The following MRPL13 variants were observed in gnomAD, a reference collection of about 807,000 sequenced individuals.
The protein encoded by MRPL13 is large ribosomal subunit protein uL13m.
A neutral mutation model predicts 29.0 loss-of-function variants in MRPL13; 33 were observed. That is an observed-to-expected ratio of 1.14 (90% CI 0.86 to 1.52). The LOEUF is 1.52. MRPL13 is among the 40% of genes most tolerant of loss of function. The pLI, the probability that MRPL13 is intolerant of heterozygous loss-of-function variation, is 0.00. For missense variants in MRPL13, 227 were observed against 216.7 expected (o/e 1.05, Z -0.30); for synonymous variants, 77 against 68.4 (o/e 1.13, Z -0.62).
intron 2 of MRPL13, among the ~76,000 whole-genome samples, chr8:120,435,731 T>C (rs1339754604): frequency 6.6e-6 from 1 of 152,044 alleles, no homozygotes; most frequent in Non-Finnish European, 1.5e-5. Context: ...TGAACTAATT[T>C]GCACTCCCAC....
chr8:120,428,960 A>T (rs1216252881), intron 3 of MRPL13, among the ~76,000 whole-genome samples: 1 of 152,216 alleles, frequency 6.6e-6, no homozygotes, highest in African/African-American at 2.4e-5. Context: ...TCCTACAGAC[A>T]GAAATACCAT....
At position 120,395,831 on chromosome 8, in the gene MRPL13, A is replaced by G. The variant is rs544807735; in HGVS notation, c.*273T>C. On this transcript the variant is annotated 3_prime_UTR_variant, in exon 7 of 7. Coordinates refer to ENST00000306185, the MANE Select transcript of MRPL13 (RefSeq NM_014078.6). The stretch of plus-strand genomic sequence containing the variant: ...CACAGGGTCTGTTTTTTATCATTAA[A>G]TGCAACACTAAATAGTCAACCAAGT... 8 of 305,510 alleles carry G rather than the reference A, an allele frequency of 2.6e-5. No homozygotes were observed. Among genetic ancestry groups the G allele is most frequent in the African/African-American group, 1.5e-4 (7 of 45,860 alleles). The allele number at this position is 305,510 out of a possible 1,614,324, so 18.9% of individuals were successfully genotyped here.
rs778875576 is a variant in MRPL13, at chr8:120,425,304, A to C, written c.306+2T>G. ...GATTAATAAAAAATACAAGAAACTT[A>C]CTGCCACTGGATCCCTCAGGTGAAG... is the stretch of plus-strand genomic sequence containing the variant. On this transcript the variant is annotated splice_donor_variant, in intron 4 of 6. Coordinates refer to ENST00000306185, the MANE Select transcript of MRPL13 (RefSeq NM_014078.6). LOFTEE classifies it high-confidence loss of function. The C allele has an allele frequency of 5.0e-6, 8 of 1,609,776 alleles. No individual in the cohort carries two copies. The highest frequency in any genetic ancestry group is 6.8e-6 in the Non-Finnish European group (8 of 1,176,630).
intron 5 of MRPL13, among the ~76,000 whole-genome samples, chr8:120,418,377 G>C (rs1812829774): frequency 6.6e-6 from 1 of 152,010 alleles, no homozygotes; most frequent in Non-Finnish European, 1.5e-5. Context: ...TTATAAATGA[G>C]ATTGCTGGAT....
chr8:120,415,097 T>C (rs958938311), intron 5 of MRPL13: 5 of 152,164 alleles, frequency 3.3e-5, no homozygotes, highest in African/African-American at 4.8e-5. Context: ...AATGATAAAA[T>C]GAAGAGTGTG....
At chr8:120,429,539 C>T (rs1046073859) in intron 3 of MRPL13, among the ~76,000 whole-genome samples, 4 of 150,462 alleles carry the variant, frequency 2.7e-5, no homozygotes, top group Non-Finnish European at 4.4e-5. Context: ...AGATGTTTAT[C>T]AGCCCCTTAT....
At chr8:120,412,637 T>C (rs1357386148) in intron 6 of MRPL13, among the ~76,000 whole-genome samples, 5 of 152,238 alleles carry the variant, frequency 3.3e-5, no homozygotes, top group Non-Finnish European at 7.3e-5. Flanking sequence ...AATTAATTTT[T>C]AGGGAAAGAG....
intron 6 of MRPL13, among the ~76,000 whole-genome samples, chr8:120,403,192 C>T (rs562177595): frequency 1.7e-4 from 26 of 152,200 alleles, no homozygotes; most frequent in African/African-American, 4.8e-4. Flanking sequence ...TAAAGACAAA[C>T]GCATGTGTAT....
At chr8:120,404,910 C>G (rs753161512) in intron 6 of MRPL13, among the ~76,000 whole-genome samples, 9 of 152,210 alleles carry the variant, frequency 5.9e-5, no homozygotes, top group East Asian at 3.9e-4. Context: ...AGGCAGGGCC[C>G]TGATATGATT....
rs746654760 is a variant in MRPL13, at chr8:120,413,990, C to T, written c.515+1G>A. On this transcript the variant is annotated splice_donor_variant, in intron 6 of 6. Coordinates refer to ENST00000306185, the MANE Select transcript of MRPL13 (RefSeq NM_014078.6). LOFTEE classifies it high-confidence loss of function. ...AAAACAAGAAGAAGGGAAACACTTACGGAGTCCACAATCTTGGGAAGGCGT... is the reference window on the plus strand; with the variant it reads ...AAAACAAGAAGAAGGGAAACACTTATGGAGTCCACAATCTTGGGAAGGCGT... 15 of 1,544,080 alleles carry T rather than the reference C, an allele frequency of 9.7e-6. No individual in the cohort carries two copies. The highest frequency in any genetic ancestry group is 5.7e-5 in the African/African-American group (4 of 70,792).
intron 6 of MRPL13, among the ~76,000 whole-genome samples, chr8:120,404,619 T>C (rs1812643822): frequency 6.6e-6 from 1 of 152,244 alleles, no homozygotes; most frequent in African/African-American, 2.4e-5. Flanking sequence ...ATACTGGCTC[T>C]TCCTTGTAAA....
intron 3 of MRPL13, among the ~76,000 whole-genome samples, chr8:120,427,498 T>G (rs546502460): frequency 6.6e-6 from 1 of 152,146 alleles, no homozygotes; most frequent in South Asian, 2.1e-4. Context: ...CAAAAATCAC[T>G]AGCAAAAAGT....
intron 2 of MRPL13, among the ~76,000 whole-genome samples, chr8:120,434,825 T>C (rs1029502109): frequency 1.3e-5 from 2 of 152,208 alleles, no homozygotes; most frequent in South Asian, 2.1e-4. Context: ...GCTATTTAGG[T>C]TGGTGCAAAA....
intron 6 of MRPL13, among the ~76,000 whole-genome samples, chr8:120,413,627 T>C (rs1245776981): frequency 1.3e-5 from 2 of 152,216 alleles, no homozygotes; most frequent in African/African-American, 4.8e-5. Context: ...CCAAAATTAA[T>C]GACTTTTCAT....
intron 6 of MRPL13, among the ~76,000 whole-genome samples, chr8:120,403,692 T>A (rs1299230874): frequency 6.6e-6 from 1 of 152,142 alleles, no homozygotes; most frequent in African/African-American, 2.4e-5. Context: ...ATAGTTTGAG[T>A]TCCTTTAAAA....
At chr8:120,404,929 C>T (rs1200878489) in intron 6 of MRPL13, among the ~76,000 whole-genome samples, 2 of 152,154 alleles carry the variant, frequency 1.3e-5, no homozygotes, top group Non-Finnish European at 1.5e-5. Flanking sequence ...TTATCTTATA[C>T]TCCCAGCAGC....
chr8:120,428,514 A>G (rs1366737912), intron 3 of MRPL13, among the ~76,000 whole-genome samples: 1 of 152,222 alleles, frequency 6.6e-6, no homozygotes, highest in Non-Finnish European at 1.5e-5. Context: ...TAAACTAAAG[A>G]GCTTCTGCAC....
intron 3 of MRPL13, among the ~76,000 whole-genome samples, chr8:120,430,549 G>C (rs115150781): frequency 6.6e-6 from 1 of 152,164 alleles, no homozygotes; most frequent in South Asian, 2.1e-4. Context: ...CTCTTTGAGC[G>C]ATGAGGAAAT....
chr8:120,430,833 G>A (rs966400523), intron 3 of MRPL13, among the ~76,000 whole-genome samples: 31 of 152,120 alleles, frequency 2.0e-4, no homozygotes, highest in African/African-American at 6.3e-4. Flanking sequence ...TGGCTGTGCT[G>A]TCATTTTCTT....
Sources: allele counts gnomAD v4.1 joint callset (sites outside exome capture counted in the v4.1 genomes callset), GRCh38; gene constraint gnomAD v4.1.1; transcripts MANE v1.5; gene names NCBI Gene and HGNC (gene_info 2026-07-23, HGNC 2026-07-21).